ACTL6A: variants seen among roughly 807,000 people sequenced by gnomAD.
The protein encoded by ACTL6A is actin-like protein 6A.
A neutral mutation model predicts 59.2 loss-of-function variants in ACTL6A; 5 were observed. The observed-to-expected ratio is 0.08, with a 90% CI of 0.04 to 0.18. The LOEUF (loss-of-function observed/expected upper bound fraction) is 0.18, where lower values mean the gene tolerates loss of function less well. ACTL6A is among the 10% of genes least tolerant of loss of function. The probability of loss-of-function intolerance (pLI) is 1.00; values close to 1 mark genes in which losing one functional copy is unlikely to be tolerated. For missense variants in ACTL6A, 285 were observed against 526.9 expected, an observed-to-expected ratio of 0.54 and a Z score of 4.49; for synonymous variants, 154 against 171.8, an observed-to-expected ratio of 0.90 and a Z score of 0.81.
At position 179,579,032 on chromosome 3, in the gene ACTL6A, T is replaced by C. The variant is rs188869686; in HGVS notation, c.769-1608T>C. Among the ~76,000 whole-genome samples the C allele has an allele frequency of 3.6e-3, 554 of 152,294 alleles. 4 individuals carry two copies. Among genetic ancestry groups the C allele is most frequent in the African/African-American group, 0.013 (527 of 41,578 alleles). On this transcript the variant is annotated intron_variant, in intron 8 of 13. Transcript: ENST00000429709. ...TGCTGGGATTACAGGCGTGAGCCACTGTGCCCGGCCCTATTTTTTCACTTT... is the reference window on the plus strand; with the variant it reads ...TGCTGGGATTACAGGCGTGAGCCACCGTGCCCGGCCCTATTTTTTCACTTT...
At chr3:179,563,577 G>A (rs1476804497) in intron 1 of ACTL6A, among the ~76,000 whole-genome samples, 1 of 152,208 alleles carries the variant, frequency 6.6e-6, no homozygotes, top group Non-Finnish European at 1.5e-5. Flanking sequence ...TTCCCAGAGT[G>A]TCCCATAGGT....
At chr3:179,576,365 C>G (rs902040600) in intron 6 of ACTL6A, 54 bp downstream of exon 6, 25 of 1,317,340 alleles carry the variant, frequency 1.9e-5, no homozygotes, top group Non-Finnish European at 2.6e-5. Context: ...CATGAGGATG[C>G]ACATAATGAA....
intron 12 of ACTL6A, among the ~76,000 whole-genome samples, chr3:179,584,573 A>T (rs1372020504): frequency 2.0e-5 from 3 of 151,414 alleles, no homozygotes; most frequent in Non-Finnish European, 4.4e-5. Context: ...GTGAACTGAG[A>T]TCACACCACT....
chr3:179,580,792 C>A (rs1239874601), intron 9 of ACTL6A, 91 bp downstream of exon 9: 8 of 1,340,108 alleles, frequency 6.0e-6, no homozygotes, highest in Non-Finnish European at 8.3e-6. Context: ...AATATTCTCA[C>A]TCCCTTTTTT....
At chr3:179,573,520 C>G in intron 4 of ACTL6A, 51 bp downstream of exon 4, 4 of 987,654 alleles carry the variant, frequency 4.1e-6, no homozygotes, top group Non-Finnish European at 4.3e-6. Flanking sequence ...TTTTTTTTTT[C>G]TTTTTTTTTT....
intron 11 of ACTL6A, among the ~76,000 whole-genome samples, chr3:179,581,802 TC>T (rs1397247545): frequency 2.6e-5 from 4 of 152,220 alleles, no homozygotes; most frequent in African/African-American, 9.6e-5. Flanking sequence ...AGTGATAGGT[TC>T]TTGGAGACTG....
intron 1 of ACTL6A, among the ~76,000 whole-genome samples, chr3:179,564,878 AAT>A (rs1432083801): frequency 1.3e-5 from 2 of 150,844 alleles, no homozygotes; most frequent in Admixed American, 1.3e-4. Flanking sequence ...CTGAAGTTGG[AAT>A]ATGTCTTTTT....
chr3:179,583,360 A>C lies in ACTL6A; in HGVS notation c.1034A>C (p.Tyr345Ser). The part of the protein sequence containing the change: ...MCDIDIRPGL[Y>S]GSVIVAGGNT... ...CTTGTATTTTTATCCTAGGGTCTCTATGGCAGTGTAATAGTGGCAGGAGGA... is the reference window on the plus strand; with the variant it reads ...CTTGTATTTTTATCCTAGGGTCTCTCTGGCAGTGTAATAGTGGCAGGAGGA... The change falls in exon 12 of 14, where the codon TAT (tyrosine) becomes TCT (serine). Residue 345 changes from tyrosine to serine, a missense_variant. Physicochemically the swap from Tyr to Ser is moderately radical, Grantham distance 144 (BLOSUM62 -2). Transcript: ENST00000429709. 3 of 1,611,414 alleles carry C rather than the reference A, an allele frequency of 1.9e-6. No individual in the cohort carries two copies. Among genetic ancestry groups the C allele is most frequent in the Non-Finnish European group, 2.5e-6 (3 of 1,178,126 alleles).
At position 179,573,391 on chromosome 3, in the gene ACTL6A, A is replaced by T. The variant is rs965424224; in HGVS notation, c.300A>T (p.Gln100His). ...NGMVEDWDSFQAILDHTYKMH... is the reference protein window; with the variant it reads ...NGMVEDWDSFHAILDHTYKMH... The stretch of plus-strand genomic sequence containing the variant: ...TAGTTGAAGACTGGGATAGTTTCCA[A>T]GCTATTTTGGATCATACCTACAAAA... The change falls in exon 4 of 14, where the codon CAA becomes CAT. Residue 100 changes from glutamine (Q) to histidine (H), a missense_variant. Physicochemically the swap from Gln to His is conservative, Grantham distance 24 (BLOSUM62 0). Coordinates refer to ENST00000429709, the MANE Select transcript of ACTL6A (RefSeq NM_004301.5). The T allele has an allele frequency of 3.1e-6, 5 of 1,588,144 alleles. No individual in the cohort carries two copies. In the African/African-American group the frequency reaches 6.8e-5, roughly 22 times the overall value.
At chr3:179,572,998 T>TTTTA (rs1553777440) in intron 3 of ACTL6A, among the ~76,000 whole-genome samples, 1 of 151,458 alleles carries the variant, frequency 6.6e-6, no homozygotes, top group Non-Finnish European at 1.5e-5. Flanking sequence ...TTTTTTTTTT[T>TTTTA]ATAAATCCAG....
chr3:179,568,025 A>G, intron 1 of ACTL6A, among the ~76,000 whole-genome samples: 1 of 152,018 alleles, frequency 6.6e-6, no homozygotes, highest in Admixed American at 6.6e-5. Context: ...TACAAAAATT[A>G]GCTGGGCATG....
At chr3:179,571,430 A>C (rs1424422130) in intron 3 of ACTL6A, among the ~76,000 whole-genome samples, 1 of 52,358 alleles carries the variant, frequency 1.9e-5, no homozygotes, top group African/African-American at 3.7e-5. Flanking sequence ...CAAAAAAAAA[A>C]ACAAAAAAAA....
At chr3:179,574,533 T>C (rs1223973880) in intron 5 of ACTL6A, 66 bp downstream of exon 5, 6 of 1,156,584 alleles carry the variant, frequency 5.2e-6, no homozygotes, top group Admixed American at 1.8e-5. Context: ...ATGATAACTC[T>C]GGGAGAAGAC....
At position 179,574,485 on chromosome 3, in the gene ACTL6A, A is replaced by G; in HGVS notation, c.476+18A>G. 6.7e-7 allele frequency: 1 copy of G among 1,484,176 alleles called. No individual in the cohort carries two copies. The highest frequency in any genetic ancestry group is 9.4e-7 in the Non-Finnish European group (1 of 1,062,054). The allele number at this position is 1,484,176 out of a possible 1,614,324, so 91.9% of individuals were successfully genotyped here. The stretch of plus-strand genomic sequence containing the variant: ...TTGACAGCGTATCCTTGAAAGAGTA[A>G]TACCTTTCCTCTTGAAGTATGTACG... On this transcript the variant is annotated intron_variant, in intron 5 of 13. Transcript: ENST00000429709.
At chr3:179,564,925 CCTGAGCTCAGGCGGTCTT>C (rs1717785890) in intron 1 of ACTL6A, among the ~76,000 whole-genome samples, 1 of 148,636 alleles carries the variant, frequency 6.7e-6, no homozygotes, top group African/African-American at 2.5e-5. Flanking sequence ...GTCTTGAACT[CCTGAGCTCAGGCGGTCTT>C]CCCACCTCAG....
intron 1 of ACTL6A, among the ~76,000 whole-genome samples, chr3:179,565,023 C>T (rs932470720): frequency 6.6e-6 from 1 of 151,624 alleles, no homozygotes; most frequent in Non-Finnish European, 1.5e-5. Flanking sequence ...ACAGTGCTGG[C>T]GTGGCAGAGT....
At position 179,570,643 on chromosome 3, in the gene ACTL6A, A is replaced by C. The variant is rs1420387181; in HGVS notation, c.277+402A>C. ...TTAGCTTGGCTGACAAAGCTGGGTA[A>C]AGCAAAGGGACCAGCATGTGTGAAG... On this transcript the variant is annotated intron_variant, in intron 3 of 13. Transcript: ENST00000429709. The surrounding 1 kb of genome is among the most constrained non-coding windows in gnomAD (Gnocchi z 4.3). 6.6e-6 allele frequency among the ~76,000 whole-genome samples: 1 copy of C among 152,214 alleles called. No homozygotes were observed. The highest frequency in any genetic ancestry group is 1.5e-5 in the Non-Finnish European group (1 of 68,040).
chr3:179,576,562 T>C, intron 6 of ACTL6A, 58 bp from the exon 7 acceptor site: 1 of 1,327,904 alleles, frequency 7.5e-7, no homozygotes, highest in Non-Finnish European at 1.1e-6. Flanking sequence ...ACAGAGGAAA[T>C]TCGTTCAAGG....
intron 12 of ACTL6A, 24 bp downstream of exon 12, chr3:179,583,472 G>A (rs1356296988): frequency 6.4e-7 from 1 of 1,562,108 alleles, no homozygotes; most frequent in African/African-American, 1.4e-5. Flanking sequence ...GTTCTTTAAT[G>A]GTATTCTTCA....
Sources: allele counts gnomAD v4.1 joint callset (sites outside exome capture counted in the v4.1 genomes callset), GRCh38; gene constraint gnomAD v4.1.1; non-coding constraint Gnocchi (gnomAD v3.1); transcripts MANE v1.5; gene names NCBI Gene and HGNC (gene_info 2026-07-23, HGNC 2026-07-21).